CABLES1: variants seen among roughly 807,000 people sequenced by gnomAD.
CABLES1 encodes the protein Cdk5 and Abl enzyme substrate 1.
In CABLES1, 36 loss-of-function variants were observed where a neutral mutation model predicts 57.8. The observed-to-expected ratio is 0.62, with a 90% confidence interval of 0.48 to 0.82. The LOEUF (loss-of-function observed/expected upper bound fraction) is 0.82, where lower values mean the gene tolerates loss of function less well. CABLES1 is among the 40% of genes least tolerant of loss of function. The pLI, the probability that CABLES1 is intolerant of heterozygous loss-of-function variation, is 0.00. For synonymous variants in CABLES1, 374 were observed against 363.0 expected (o/e 1.03, Z -0.35); for missense variants, 767 against 836.6 (o/e 0.92, Z 1.03).
chr18:23,157,133 T>G (rs1157083304), intron 1 of CABLES1, among the ~76,000 whole-genome samples: 1 of 152,180 alleles, frequency 6.6e-6, no homozygotes, highest in Non-Finnish European at 1.5e-5. Context: ...CTCACACCTG[T>G]AATCCCAGCA....
intron 9 of CABLES1, 83 bp from the exon 10 acceptor site, chr18:23,257,144 G>T: frequency 6.7e-7 from 1 of 1,487,370 alleles, no homozygotes; most frequent in Non-Finnish European, 9.2e-7. Context: ...CTCACTGGCT[G>T]GTGGATAGAG....
chr18:23,177,249 C>T (rs573541771), intron 1 of CABLES1, among the ~76,000 whole-genome samples: 7 of 152,198 alleles, frequency 4.6e-5, no homozygotes, highest in East Asian at 1.9e-4. Flanking sequence ...CTCGGGGCCC[C>T]GTCAGACCAA....
Position 23,259,613 on chromosome 18 carries a change from CAGG to C in CABLES1, c.*2250_*2252del, listed in dbSNP as rs1384826368. 6.6e-6 allele frequency: 1 copy of C among 152,158 alleles called. No individual in the cohort carries two copies. Among genetic ancestry groups the C allele is most frequent in the Admixed American group, 6.5e-5 (1 of 15,276 alleles). The allele number at this position is 152,158 out of a possible 1,614,324, so 9.4% of individuals were successfully genotyped here. A position where few individuals can be genotyped will look rare whatever the true frequency, so the allele number is the denominator to read the frequency against. On this transcript the variant is annotated 3_prime_UTR_variant, in exon 10 of 10. Transcript: ENST00000256925. The stretch of plus-strand genomic sequence containing the variant: ...AGTCGGGGCTGAGAAGGCATTTTAT[CAGG>C]AGGTCTCCTTTTGCACGTCCATGAC...
chr18:23,253,191 C>T, intron 8 of CABLES1, 125 bp downstream of exon 8: 1 of 631,436 alleles, frequency 1.6e-6, no homozygotes, highest in Non-Finnish European at 2.9e-6. Flanking sequence ...TCACATTCAG[C>T]AGAAAGGACA....
Position 23,257,432 on chromosome 18 carries a change from ACTGG to A in CABLES1, c.*66_*69del. On this transcript the variant is annotated 3_prime_UTR_variant, in exon 10 of 10. Coordinates refer to ENST00000256925, the MANE Select transcript of CABLES1 (RefSeq NM_001100619.3). The stretch of plus-strand genomic sequence containing the variant: ...CTTGGTGGAGCAGCACTTACTTACT[ACTGG>A]AAATGAAAAAAAGTAGAACTCAGAA... 2.7e-6 allele frequency: 4 copies of A among 1,489,032 alleles called. No individual in the cohort carries two copies. Among genetic ancestry groups the A allele is most frequent in the African/African-American group, 1.4e-5 (1 of 69,998 alleles). The allele number at this position is 1,489,032 out of a possible 1,614,324, so 92.2% of individuals were successfully genotyped here. A position where few individuals can be genotyped will look rare whatever the true frequency, so the allele number is the denominator to read the frequency against.
At chr18:23,195,271 G>T (rs779294400) in intron 3 of CABLES1, among the ~76,000 whole-genome samples, 1 of 152,168 alleles carries the variant, frequency 6.6e-6, no homozygotes, top group South Asian at 2.1e-4. Flanking sequence ...GGGGTCCCTG[G>T]TGCTGTGTAA....
intron 1 of CABLES1, among the ~76,000 whole-genome samples, chr18:23,188,078 C>A (rs928455120): frequency 6.6e-6 from 1 of 152,172 alleles, no homozygotes; most frequent in Non-Finnish European, 1.5e-5. Context: ...GGTCTTTGTT[C>A]AAGTAGATTT....
chr18:23,253,660 G>C, intron 8 of CABLES1, 69 bp from the exon 9 acceptor site: 1 of 1,274,398 alleles, frequency 7.8e-7, no homozygotes, highest in Non-Finnish European at 1.1e-6. Flanking sequence ...TTCAAGATGG[G>C]GGAGTTTTTC....
At chr18:23,174,678 T>G (rs1055959026) in intron 1 of CABLES1, among the ~76,000 whole-genome samples, 5 of 151,680 alleles carry the variant, frequency 3.3e-5, no homozygotes, top group Admixed American at 2.0e-4. Flanking sequence ...TTCACCATGT[T>G]AGCCAGGATG....
chr18:23,247,981 C>T (rs139118297), intron 7 of CABLES1, among the ~76,000 whole-genome samples: 74 of 152,316 alleles, frequency 4.9e-4, no homozygotes, highest in East Asian at 1.9e-3. Flanking sequence ...GATTTTTCCC[C>T]GCCTCTCTGT....
At chr18:23,213,186 A>G (rs2047417261) in intron 3 of CABLES1, among the ~76,000 whole-genome samples, 1 of 152,206 alleles carries the variant, frequency 6.6e-6, no homozygotes, top group South Asian at 2.1e-4. Context: ...TTGTCGAAAG[A>G]AAGGATGACA....
At position 23,257,496 on chromosome 18, in the gene CABLES1, G is replaced by A. The variant is rs1238074207; in HGVS notation, c.*129G>A. On this transcript the variant is annotated 3_prime_UTR_variant, in exon 10 of 10. Transcript: ENST00000256925. ...TTTCTTCCTCTCGACATAGTTTGGGGAGAAGCAGTACTAGAAACTTTCCAA... is the reference window on the plus strand; with the variant it reads ...TTTCTTCCTCTCGACATAGTTTGGGAAGAAGCAGTACTAGAAACTTTCCAA... 1 of 1,085,696 alleles carries A rather than the reference G, an allele frequency of 9.2e-7. No individual in the cohort carries two copies. Among genetic ancestry groups the A allele is most frequent in the African/African-American group, 1.6e-5 (1 of 62,394 alleles). The allele number at this position is 1,085,696 out of a possible 1,614,324, so 67.3% of individuals were successfully genotyped here. A position where few individuals can be genotyped will look rare whatever the true frequency, so the allele number is the denominator to read the frequency against.
At chr18:23,170,100 C>T (rs1424126515) in intron 1 of CABLES1, among the ~76,000 whole-genome samples, 3 of 152,162 alleles carry the variant, frequency 2.0e-5, no homozygotes, top group Admixed American at 6.5e-5. Context: ...CTAGCAGAGA[C>T]GTTGTTATCC....
chr18:23,171,122 T>A (rs1356937874), intron 1 of CABLES1, among the ~76,000 whole-genome samples: 1 of 152,202 alleles, frequency 6.6e-6, no homozygotes, highest in Admixed American at 6.5e-5. Flanking sequence ...GATTAAGTTA[T>A]TGGGGAGGGA....
At chr18:23,200,057 CAGT>C (rs1394126879) in intron 3 of CABLES1, among the ~76,000 whole-genome samples, 1 of 152,160 alleles carries the variant, frequency 6.6e-6, no homozygotes, top group East Asian at 1.9e-4. Flanking sequence ...ACCAGGCACA[CAGT>C]AGGCACTCAG....
intron 7 of CABLES1, among the ~76,000 whole-genome samples, chr18:23,242,901 A>T (rs1051851026): frequency 6.6e-6 from 1 of 152,104 alleles, no homozygotes; most frequent in African/African-American, 2.4e-5. Flanking sequence ...TCAGTACAGC[A>T]TGAGATGCTG....
chr18:23,187,068 C>T (rs539607618), intron 1 of CABLES1, among the ~76,000 whole-genome samples: 17 of 152,274 alleles, frequency 1.1e-4, no homozygotes, highest in Middle Eastern at 3.4e-3. Context: ...CGGGGCTGTG[C>T]GGGGAAGTCC....
At chr18:23,213,271 A>T (rs141767727) in intron 3 of CABLES1, among the ~76,000 whole-genome samples, 1 of 152,230 alleles carries the variant, frequency 6.6e-6, no homozygotes, top group East Asian at 1.9e-4. Flanking sequence ...AATCTCTTCC[A>T]CTCATTTCTC....
chr18:23,240,600 G>C (rs1454848888), intron 7 of CABLES1, among the ~76,000 whole-genome samples: 1 of 152,242 alleles, frequency 6.6e-6, no homozygotes, highest in East Asian at 1.9e-4. Context: ...GGGTGGGAAT[G>C]CTCAGTGATT....
Sources: gnomAD v4.1 joint callset for allele counts (sites outside exome capture counted in the v4.1 genomes callset) on GRCh38, gnomAD v4.1.1 for gene constraint, MANE v1.5 for transcripts, NCBI Gene and HGNC (gene_info 2026-07-23, HGNC 2026-07-21) for gene names.